Variants in AJUBA observed in about 807,000 individuals in gnomAD.
The protein encoded by AJUBA is LIM domain-containing protein ajuba.
A neutral mutation model predicts 53.3 loss-of-function variants in AJUBA; 20 were observed. The observed-to-expected ratio is 0.38, with a 90% confidence interval of 0.26 to 0.55. The LOEUF (loss-of-function observed/expected upper bound fraction) is 0.55. Ranked by LOEUF, AJUBA falls within the 20% of genes least tolerant of loss-of-function variation. The pLI, the probability that AJUBA is intolerant of heterozygous loss-of-function variation, is 0.80. For synonymous variants in AJUBA, 296 were observed against 306.2 expected (o/e 0.97, Z 0.35); for missense variants, 580 against 730.5 (o/e 0.79, Z 2.38).
intron 2 of AJUBA, 53 bp from the exon 3 acceptor site, chr14:22,976,765 C>T (rs1034687016): frequency 1.3e-6 from 2 of 1,591,962 alleles, no homozygotes; most frequent in Non-Finnish European, 1.7e-6. Flanking sequence ...AGGTGCAAGA[C>T]TTCTGGGGTC....
intron 4 of AJUBA, among the ~76,000 whole-genome samples, chr14:22,976,181 C>T (rs1364739465): frequency 6.6e-6 from 1 of 151,734 alleles, no homozygotes; most frequent in Non-Finnish European, 1.5e-5. Flanking sequence ...CTCAGGACCC[C>T]ACACTCCTAG....
intron 4 of AJUBA, chr14:22,975,897 C>T (rs1055782012): frequency 2.6e-5 from 4 of 151,588 alleles, no homozygotes; most frequent in Non-Finnish European, 4.4e-5. Context: ...GGCATGGTGG[C>T]TCACGCCTAT....
chr14:22,981,983 G>T lies in AJUBA; in HGVS notation c.284C>A (p.Pro95His). 6.3e-7 allele frequency: 1 copy of T among 1,577,804 alleles called. No homozygotes were observed. The highest frequency in any genetic ancestry group is 8.6e-7 in the Non-Finnish European group (1 of 1,167,694). ...CTGAGGTAGAGGCAAGGCCCGGGTG[G>T]GCGGCGGCCCCGCGGGAAAAGAGCC... ...YEGSFPAGPP[P>H]TRALPLPQSL... Residue 95 changes from proline (P) to histidine (H), a missense_variant, in exon 1 of 8, where the codon CCC (proline) becomes CAC (histidine). This residue lies in a region of AJUBA where 430 missense variants were observed against 471.5 expected (regional missense o/e 0.91). Transcript: ENST00000262713.
chr14:22,981,825 C>G lies in AJUBA; in HGVS notation c.442G>C (p.Gly148Arg), dbSNP rs2045101419. The G allele has an allele frequency of 5.2e-6, 8 of 1,533,738 alleles. No individual in the cohort carries two copies. Among genetic ancestry groups the G allele is most frequent in the African/African-American group, 1.4e-5 (1 of 72,764 alleles). ...PRGSLLLDGA[G>R]AGGAGGSRPC... ...CGGCTACCTCCAGCTCCGCCAGCCCCCGCCCCGTCCAGCAGCAGGCTGCCC... is the reference window on the plus strand; with the variant it reads ...CGGCTACCTCCAGCTCCGCCAGCCCGCGCCCCGTCCAGCAGCAGGCTGCCC... Residue 148 changes from glycine (G) to arginine (R), a missense_variant, in exon 1 of 8, where the codon GGG becomes CGG. By Grantham distance (125) the Gly-to-Arg change is moderately radical (BLOSUM62 -2). This residue lies in a region of AJUBA where 430 missense variants were observed against 471.5 expected (regional missense o/e 0.91). Coordinates refer to ENST00000262713, the MANE Select transcript of AJUBA (RefSeq NM_032876.6).
At position 22,981,242 on chromosome 14, in the gene AJUBA, A is replaced by T. The variant is rs377203573; in HGVS notation, c.1006+19T>A. On this transcript the variant is annotated intron_variant, in intron 1 of 7. Transcript: ENST00000262713. Reference sequence around the variant, plus strand: ...CCGTGACGGGTCCCTTCCCGTCCCTAACCACTTCTCTCACTCACCGAAGTA... The same window carrying T: ...CCGTGACGGGTCCCTTCCCGTCCCTTACCACTTCTCTCACTCACCGAAGTA... 2.4e-4 allele frequency: 385 copies of T among 1,581,486 alleles called. No individual in the cohort carries two copies. Among genetic ancestry groups the T allele is most frequent in the Non-Finnish European group, 2.9e-4 (339 of 1,160,742 alleles).
rs1255300508 is a variant in AJUBA, at chr14:22,979,598, G to A, written c.1007-1153C>T. On this transcript the variant is annotated intron_variant, in intron 1 of 7. Transcript: ENST00000262713. The surrounding 1 kb of genome is among the most constrained non-coding windows in gnomAD (Gnocchi z 4.0). ...AGGCAACCTGACTCCCAAGGAGAAGGGGCCCCCATCTCTGAATTCAAAATG... is the reference window on the plus strand; with the variant it reads ...AGGCAACCTGACTCCCAAGGAGAAGAGGCCCCCATCTCTGAATTCAAAATG... Among the ~76,000 whole-genome samples, 1 of 152,240 alleles carries A rather than the reference G, an allele frequency of 6.6e-6. No individual in the cohort carries two copies. Among genetic ancestry groups the A allele is most frequent in the Non-Finnish European group, 1.5e-5 (1 of 68,044 alleles).
intron 2 of AJUBA, chr14:22,977,080 G>A: frequency 9.2e-7 from 1 of 1,081,798 alleles, no homozygotes; most frequent in Non-Finnish European, 1.1e-6. Context: ...TATATGATTT[G>A]CATAGAGAGA....
Position 22,973,254 on chromosome 14 carries a change from A to C in AJUBA, c.*189T>G, listed in dbSNP as rs1283163196. On this transcript the variant is annotated 3_prime_UTR_variant, in exon 8 of 8. Coordinates refer to ENST00000262713, the MANE Select transcript of AJUBA (RefSeq NM_032876.6). ...AAGGCCAGTCGCCCCCACCCTGGTAAATATAAGGTTTCTCTTCCACAATCC... is the reference window on the plus strand; with the variant it reads ...AAGGCCAGTCGCCCCCACCCTGGTACATATAAGGTTTCTCTTCCACAATCC... The C allele has an allele frequency of 3.3e-6, 3 of 896,208 alleles. No individual in the cohort carries two copies. The African/African-American group carries it at 5.1e-5, about 15-fold the overall frequency. 55.5% of individuals were successfully genotyped at this position (896,208 alleles called of 1,614,324 possible). A position where few individuals can be genotyped will look rare whatever the true frequency, so the allele number is the denominator to read the frequency against.
chr14:22,981,221 G>A (rs2045088652), intron 1 of AJUBA, 40 bp downstream of exon 1: 1 of 1,545,356 alleles, frequency 6.5e-7, no homozygotes, highest in African/African-American at 1.4e-5. Context: ...CGAATACCGT[G>A]ACGGGTCCCT....
In AJUBA at chr14:22,971,731, C is replaced by A. The variant is rs534702311; in HGVS notation, c.*1712G>T. 1.3e-5 allele frequency: 2 copies of A among 152,234 alleles called. No individual in the cohort carries two copies. Among genetic ancestry groups the A allele is most frequent in the East Asian group, 3.9e-4 (2 of 5,184 alleles). The allele number at this position is 152,234 out of a possible 1,614,324, so 9.4% of individuals were successfully genotyped here. On this transcript the variant is annotated 3_prime_UTR_variant, in exon 8 of 8. Transcript: ENST00000262713. ...AGAAGTTAGACCAAAGCATCAAAAT[C>A]ACATTGAACTCCATTATATTTTTCA...
chr14:22,981,473 G>T lies in AJUBA; in HGVS notation c.794C>A (p.Thr265Asn). The T allele has an allele frequency of 1.2e-6, 2 of 1,605,026 alleles. No individual in the cohort carries two copies. Among genetic ancestry groups the T allele is most frequent in the Non-Finnish European group, 1.7e-6 (2 of 1,176,962 alleles). Reference sequence around the variant, plus strand: ...GCCCACGGCGCAGTCCCCGTAGCCGGTCACAGAGTGTCGTCCGGGTTGCGC... The same window carrying T: ...GCCCACGGCGCAGTCCCCGTAGCCGTTCACAGAGTGTCGTCCGGGTTGCGC... ...RGAQPGRHSVTGYGDCAVGAR... is the reference protein window; with the variant it reads ...RGAQPGRHSVNGYGDCAVGAR... Residue 265 changes from threonine (T) to asparagine (N), a missense_variant, in exon 1 of 8, where the codon ACC (threonine) becomes AAC (asparagine). Physicochemically the swap from Thr to Asn is moderately conservative, Grantham distance 65. Transcript: ENST00000262713.
At chr14:22,978,479 C>T in intron 1 of AJUBA, 34 bp from the exon 2 acceptor site, 1 of 1,593,202 alleles carries the variant, frequency 6.3e-7, no homozygotes, top group Non-Finnish European at 8.6e-7. Context: ...TCTACTCCCC[C>T]AGGTCAAAAC....
chr14:22,975,247 G>C, intron 4 of AJUBA, 143 bp from the exon 5 acceptor site: 1 of 1,194,130 alleles, frequency 8.4e-7, no homozygotes, highest in Non-Finnish European at 1.1e-6. Context: ...CGGTGAAGAA[G>C]TCGTAAAATG....
rs2045071268 is a variant in AJUBA, at chr14:22,979,864, T to C, written c.1006+1397A>G. Among the ~76,000 whole-genome samples, 1 of 152,110 alleles carries C rather than the reference T, an allele frequency of 6.6e-6. No individual in the cohort carries two copies. Among genetic ancestry groups the C allele is most frequent in the South Asian group, 2.1e-4 (1 of 4,830 alleles). The stretch of plus-strand genomic sequence containing the variant: ...GATGGTTCAGCCAAAAAGACTTCTT[T>C]ACTAGCCACCTCTCCTGGGCCTCAA... On this transcript the variant is annotated intron_variant, in intron 1 of 7. Transcript: ENST00000262713. This position sits in a 1 kb window ranked among gnomAD's most constrained non-coding sequence, Gnocchi z 4.0.
intron 4 of AJUBA, 134 bp from the exon 5 acceptor site, chr14:22,975,238 G>A (rs1328033764): frequency 8.6e-6 from 11 of 1,274,982 alleles, no homozygotes; most frequent in Non-Finnish European, 7.4e-6. Context: ...ATGTAATGTC[G>A]GTGAAGAAGT....
chr14:22,973,951 C>A, intron 7 of AJUBA, 96 bp downstream of exon 7: 1 of 1,417,848 alleles, frequency 7.1e-7, no homozygotes. Flanking sequence ...CCATGCCCTA[C>A]ACCTCTCCCA....
chr14:22,981,542 G>A lies in AJUBA; in HGVS notation c.725C>T (p.Ala242Val). 4 of 1,588,310 alleles carry A rather than the reference G, an allele frequency of 2.5e-6. No homozygotes were observed. The highest frequency in any genetic ancestry group is 2.6e-6 in the Non-Finnish European group (3 of 1,171,290). ...PPALGSPGAL[A>V]GAGVGAAGPL... ...CCCCGCCGCTCCCACTCCGGCCCCG[G>A]CTAGAGCTCCAGGGCTGCCCAGGGC... Residue 242 changes from alanine (A) to valine (V), a missense_variant, in exon 1 of 8, where the codon GCC becomes GTC. This residue lies in a region of AJUBA where 430 missense variants were observed against 471.5 expected (regional missense o/e 0.91). Transcript: ENST00000262713.
rs1288268646 is a variant in AJUBA, at chr14:22,981,926, GT to G, written c.340del (p.Thr114ArgfsTer128). 6.4e-7 allele frequency: 1 copy of G among 1,556,902 alleles called. No individual in the cohort carries two copies. The highest frequency in any genetic ancestry group is 1.2e-5 in the South Asian group (1 of 84,536). On this transcript the variant is annotated frameshift_variant, in exon 1 of 8. Transcript: ENST00000262713. LOFTEE classifies it high-confidence loss of function. Reference sequence around the variant, plus strand: ...AGAGCGGGGGCTGAGGGCCGGGGCCGTGGGCTCCAGCCGAAAATCGGGGGGC... The same window carrying G: ...AGAGCGGGGGCTGAGGGCCGGGGCCGGGGCTCCAGCCGAAAATCGGGGGGC... ...SLPPDFRLEP[T>X]APALSPRSSF...
intron 1 of AJUBA, chr14:22,978,865 T>C: frequency 1.6e-6 from 2 of 1,271,662 alleles, no homozygotes; most frequent in Non-Finnish European, 2.0e-6. Context: ...AAATACTTTC[T>C]AGAGAAAGCA....
Sources: gnomAD v4.1 joint callset for allele counts (sites outside exome capture counted in the v4.1 genomes callset) on GRCh38, gnomAD v4.1.1 for gene constraint, gnomAD v4.1.1 regional missense constraint, Gnocchi (gnomAD v3.1) non-coding constraint, MANE v1.5 for transcripts, NCBI Gene and HGNC (gene_info 2026-07-23, HGNC 2026-07-21) for gene names.